SCARB2: variants seen among roughly 807,000 people sequenced by gnomAD.
The protein encoded by SCARB2 is lysosome membrane protein 2.
A neutral mutation model predicts 58.6 loss-of-function variants in SCARB2; 29 were observed. That is an observed-to-expected ratio of 0.49 (90% confidence interval 0.37 to 0.67). The LOEUF (loss-of-function observed/expected upper bound fraction) is 0.67, where lower values mean the gene tolerates loss of function less well. SCARB2 is among the 30% of genes least tolerant of loss of function. The probability of loss-of-function intolerance (pLI) is 0.00; values close to 1 mark genes in which losing one functional copy is unlikely to be tolerated. For missense variants in SCARB2, 488 were observed against 578.5 expected, an observed-to-expected ratio of 0.84 and a Z score of 1.60; for synonymous variants, 195 against 210.1, an observed-to-expected ratio of 0.93 and a Z score of 0.62.
At chr4:76,181,286 G>A (rs1287263382) in intron 2 of SCARB2, among the ~76,000 whole-genome samples, 185 bp from the exon 3 acceptor site, 1 of 152,172 alleles carries the variant, frequency 6.6e-6, no homozygotes, top group African/African-American at 2.4e-5. Context: ...AGGAAACGAG[G>A]CCTAGGATAG....
Position 76,159,564 on chromosome 4 carries a change from A to C in SCARB2, c.*2149T>G, listed in dbSNP as rs1731851195. On this transcript the variant is annotated 3_prime_UTR_variant, in exon 12 of 12. Coordinates refer to ENST00000264896, the MANE Select transcript of SCARB2 (RefSeq NM_005506.4). ...TGGTGAAACCCCGTCTCCACTAAAAATACAAAATTTAGCTGGGCGTGGTGG... is the reference window on the plus strand; with the variant it reads ...TGGTGAAACCCCGTCTCCACTAAAACTACAAAATTTAGCTGGGCGTGGTGG... 1 of 152,286 alleles carries C rather than the reference A, an allele frequency of 6.6e-6. No homozygotes were observed. The highest frequency in any genetic ancestry group is 2.4e-5 in the African/African-American group (1 of 41,444). 9.4% of individuals were successfully genotyped at this position (152,286 alleles called of 1,614,324 possible). A position where few individuals can be genotyped will look rare whatever the true frequency, so the allele number is the denominator to read the frequency against.
chr4:76,191,706 TTTTC>T (rs1187428535), intron 2 of SCARB2: 3 of 152,192 alleles, frequency 2.0e-5, no homozygotes, highest in South Asian at 2.1e-4. Context: ...TCCCTCTTTC[TTTTC>T]TTTCTTCTCT....
chr4:76,217,516 T>C, upstream of SCARB2: 1 of 418,712 alleles, frequency 2.4e-6, no homozygotes, highest in Non-Finnish European at 4.2e-6. Flanking sequence ...CTCCTCCTTC[T>C]CTCTCTAGCT....
intron 1 of SCARB2, among the ~76,000 whole-genome samples, chr4:76,229,669 T>A (rs1733459751): frequency 6.6e-6 from 1 of 152,206 alleles, no homozygotes; most frequent in Non-Finnish European, 1.5e-5. Flanking sequence ...GAGAAATACC[T>A]GATTCCTGTG....
intron 2 of SCARB2, 87 bp downstream of exon 2, chr4:76,195,620 A>G: frequency 8.7e-7 from 1 of 1,144,836 alleles, no homozygotes; most frequent in Middle Eastern, 2.6e-4. Flanking sequence ...ACAGCCCTGG[A>G]GCCTTGCTCC....
At chr4:76,224,287 C>T (rs1050407392) in intron 1 of SCARB2, among the ~76,000 whole-genome samples, 1 of 152,180 alleles carries the variant, frequency 6.6e-6, no homozygotes. Context: ...TGCCTTTATC[C>T]GAAGGAAAAA....
At chr4:76,172,688 T>C (rs1335682145) in intron 7 of SCARB2, 1 of 152,042 alleles carries the variant, frequency 6.6e-6, no homozygotes, top group Non-Finnish European at 1.5e-5. Flanking sequence ...TCTTTTTTTT[T>C]TTTTCTTTTT....
chr4:76,179,406 A>G (rs1236578967), intron 4 of SCARB2, 111 bp downstream of exon 4: 11 of 830,866 alleles, frequency 1.3e-5, no homozygotes, highest in Non-Finnish European at 2.1e-5. Flanking sequence ...ACTCTATAAG[A>G]TAACTTAACT....
At position 76,175,892 on chromosome 4, in the gene SCARB2, T is replaced by C; in HGVS notation, c.723A>G (p.Ile241Met). ...WNGKTSLDWW[I>M]TDKCNMINGT... ...CATTAATCATATTGCACTTGTCTGT[T>C]ATCCACCAGTCAAGTGACCTATAAT... Residue 241 changes from isoleucine (I) to methionine (M), a missense_variant, in exon 6 of 12, where the codon ATA (isoleucine) becomes ATG (methionine). Coordinates refer to ENST00000264896, the MANE Select transcript of SCARB2 (RefSeq NM_005506.4). 6.2e-7 allele frequency: 1 copy of C among 1,613,912 alleles called. No individual in the cohort carries two copies. The highest frequency in any genetic ancestry group is 8.5e-7 in the Non-Finnish European group (1 of 1,179,976).
intron 4 of SCARB2, 131 bp downstream of exon 4, chr4:76,179,385 AT>A: frequency 1.4e-6 from 1 of 723,660 alleles, no homozygotes; most frequent in East Asian, 2.7e-5. Context: ...AAAACACTCC[AT>A]TTTTCACACA....
intron 1 of SCARB2, among the ~76,000 whole-genome samples, chr4:76,226,065 G>T (rs1449369275): frequency 1.3e-5 from 2 of 152,058 alleles, no homozygotes; most frequent in African/African-American, 2.4e-5. Context: ...TTGTTGGGGT[G>T]ATCAGACTCA....
At chr4:76,197,344 C>A (rs79217606) in intron 1 of SCARB2, among the ~76,000 whole-genome samples, 6 of 152,314 alleles carry the variant, frequency 3.9e-5, no homozygotes, top group African/African-American at 1.4e-4. Flanking sequence ...CCTTAAGATG[C>A]ATGGCAAGTT....
At chr4:76,183,615 C>T (rs940172897) in intron 2 of SCARB2, among the ~76,000 whole-genome samples, 1 of 152,230 alleles carries the variant, frequency 6.6e-6, no homozygotes, top group Non-Finnish European at 1.5e-5. Context: ...GGAAACTCTC[C>T]AAATTCAGTC....
chr4:76,201,979 A>G lies in SCARB2; in HGVS notation c.118-6115T>C, dbSNP rs79667388. Among the ~76,000 whole-genome samples the G allele has an allele frequency of 4.8e-3, 730 of 152,334 alleles. 6 individuals are homozygous for G. The highest frequency in any genetic ancestry group is 0.017 in the African/African-American group (704 of 41,584). Reference sequence around the variant, plus strand: ...TATTGGAGATATAATGGTAGACAAGATCTCCTACCTTCTCATTTTATTGGT... The same window carrying G: ...TATTGGAGATATAATGGTAGACAAGGTCTCCTACCTTCTCATTTTATTGGT... On this transcript the variant is annotated intron_variant, in intron 1 of 11. Transcript: ENST00000264896.
chr4:76,189,370 G>A (rs949688321), intron 2 of SCARB2, among the ~76,000 whole-genome samples: 2 of 152,228 alleles, frequency 1.3e-5, no homozygotes, highest in Admixed American at 6.5e-5. Flanking sequence ...CATGGCTGGG[G>A]AGGCCTCAGG....
At chr4:76,185,819 G>A (rs1648631711) in intron 2 of SCARB2, among the ~76,000 whole-genome samples, 1 of 152,204 alleles carries the variant, frequency 6.6e-6, no homozygotes, top group East Asian at 1.9e-4. Context: ...AAACTAGACT[G>A]AGATCTGGCT....
At chr4:76,204,021 G>A (rs1732880576) in intron 1 of SCARB2, among the ~76,000 whole-genome samples, 1 of 152,184 alleles carries the variant, frequency 6.6e-6, no homozygotes. Context: ...GTTGCCATCT[G>A]CACAGTCTAA....
At position 76,166,232 on chromosome 4, in the gene SCARB2, C is replaced by CTCCG. The variant is rs775268435; in HGVS notation, c.1239+14_1239+17dup. 6 of 1,613,664 alleles carry CTCCG rather than the reference C, an allele frequency of 3.7e-6. No individual in the cohort carries two copies. The African/African-American group carries it at 8.0e-5, about 22-fold the overall frequency. Reference sequence around the variant, plus strand: ...TGAGTCTGAAAACACCCGTGGCTCCCTCCGTCTCAGGACTTACCTCATTGA... The same window carrying CTCCG: ...TGAGTCTGAAAACACCCGTGGCTCCCTCCGTCCGTCTCAGGACTTACCTCATTGA... On this transcript the variant is annotated intron_variant, in intron 10 of 11. Coordinates refer to ENST00000264896, the MANE Select transcript of SCARB2 (RefSeq NM_005506.4).
At chr4:76,189,474 CTGTTGT>C (rs138885918) in intron 2 of SCARB2, among the ~76,000 whole-genome samples, 3,362 of 150,450 alleles carry the variant, frequency 0.022, 78 homozygotes, top group Admixed American at 0.069. Flanking sequence ...TTTTGTTTGT[CTGTTGT>C]TGTTGTTGTT....
Sources: gnomAD v4.1 joint callset for allele counts (sites outside exome capture counted in the v4.1 genomes callset) on GRCh38, gnomAD v4.1.1 for gene constraint, MANE v1.5 for transcripts, NCBI Gene and HGNC (gene_info 2026-07-23, HGNC 2026-07-21) for gene names.